The following CFAP299 variants were observed in gnomAD, a reference collection of about 807,000 sequenced individuals.
CFAP299 encodes cilia- and flagella-associated protein 299.
A neutral mutation model predicts 27.0 loss-of-function variants in CFAP299; 21 were observed. The observed-to-expected ratio is 0.78, with a 90% CI of 0.55 to 1.12. The LOEUF (loss-of-function observed/expected upper bound fraction) is 1.12, where lower values mean the gene tolerates loss of function less well. Among genes scored for constraint, CFAP299 ranks in the 50% most tolerant of loss-of-function variants. CFAP299 has a pLI of 0.00. For synonymous variants in CFAP299, 104 were observed against 98.1 expected (o/e 1.06, Z -0.36); for missense variants, 310 against 276.6 (o/e 1.12, Z -0.86).
intron 2 of CFAP299, among the ~76,000 whole-genome samples, chr4:80,380,772 T>C (rs1724661697): frequency 6.6e-6 from 1 of 152,168 alleles, no homozygotes; most frequent in Non-Finnish European, 1.5e-5. Flanking sequence ...ATTTTATTTA[T>C]TCATTCAGTA....
chr4:80,716,967 C>T (rs191426726), intron 3 of CFAP299, among the ~76,000 whole-genome samples: 91 of 152,180 alleles, frequency 6.0e-4, no homozygotes, highest in Non-Finnish European at 8.7e-4. Context: ...CTAGAGATGT[C>T]TCTGGCCCTA....
intron 3 of CFAP299, among the ~76,000 whole-genome samples, chr4:80,635,629 TTAAAATTAATAAGAGAAACATAAAGATAA>T (rs1739437172): frequency 6.6e-6 from 1 of 152,192 alleles, no homozygotes; most frequent in Non-Finnish European, 1.5e-5. Context: ...ATCCTTGGAA[TTAAAATTAATAAGAGAAACATAAAGATAA>T]AGTGAATGGA....
intron 3 of CFAP299, among the ~76,000 whole-genome samples, chr4:80,713,075 AGG>A (rs1462450373): frequency 6.6e-6 from 1 of 152,138 alleles, no homozygotes; most frequent in Admixed American, 6.6e-5. Context: ...TAACCATTCA[AGG>A]GTATGTAGGA....
At chr4:80,958,020 G>A (rs1012958519) in intron 5 of CFAP299, among the ~76,000 whole-genome samples, 1 of 152,048 alleles carries the variant, frequency 6.6e-6, no homozygotes, top group African/African-American at 2.4e-5. Flanking sequence ...TATTCATAAG[G>A]AATCTCAAAT....
intron 4 of CFAP299, among the ~76,000 whole-genome samples, chr4:80,922,735 T>C (rs1368355707): frequency 6.6e-6 from 1 of 151,718 alleles, no homozygotes; most frequent in Non-Finnish European, 1.5e-5. Context: ...ATATGTTGAC[T>C]ATGAAGAATA....
At chr4:80,514,532 AC>A (rs1732486728) in intron 2 of CFAP299, among the ~76,000 whole-genome samples, 1 of 152,102 alleles carries the variant, frequency 6.6e-6, no homozygotes, top group African/African-American at 2.4e-5. Flanking sequence ...TTAATTATGA[AC>A]AGATGACTGG....
chr4:80,809,706 A>G (rs1183390819), intron 3 of CFAP299, among the ~76,000 whole-genome samples: 1 of 152,102 alleles, frequency 6.6e-6, no homozygotes. Flanking sequence ...CATCTTCTCA[A>G]AAACTTCAGT....
At chr4:80,509,711 A>C (rs1732202253) in intron 2 of CFAP299, among the ~76,000 whole-genome samples, 1 of 152,200 alleles carries the variant, frequency 6.6e-6, no homozygotes, top group East Asian at 1.9e-4. Context: ...TACAGATTTT[A>C]ACTAATCTAC....
chr4:80,627,953 A>G (rs1738996653), intron 3 of CFAP299, among the ~76,000 whole-genome samples: 1 of 152,142 alleles, frequency 6.6e-6, no homozygotes, highest in African/African-American at 2.4e-5. Context: ...CAAAATACCA[A>G]TAACATTTTT....
At chr4:80,815,001 T>C (rs980850417) in intron 3 of CFAP299, among the ~76,000 whole-genome samples, 2 of 151,986 alleles carry the variant, frequency 1.3e-5, no homozygotes, top group Non-Finnish European at 2.9e-5. Flanking sequence ...CCAAAGGCAT[T>C]TATCAAGTAT....
intron 2 of CFAP299, among the ~76,000 whole-genome samples, chr4:80,397,186 A>C (rs151264192): frequency 0.71 from 107,384 of 151,784 alleles, 39,119 homozygotes; most frequent in Admixed American, 0.79. Flanking sequence ...TTATAGTATT[A>C]TCTGATGGTA....
At chr4:80,460,000 C>A (rs1729358604) in intron 2 of CFAP299, among the ~76,000 whole-genome samples, 1 of 152,078 alleles carries the variant, frequency 6.6e-6, no homozygotes, top group African/African-American at 2.4e-5. Context: ...TTTAAAGAAC[C>A]AGATGGTTGA....
chr4:80,777,664 T>A (rs1239917250), intron 3 of CFAP299, among the ~76,000 whole-genome samples: 1 of 152,144 alleles, frequency 6.6e-6, no homozygotes. Flanking sequence ...TTTGCAACCT[T>A]GCTTGTGTCC....
chr4:80,892,863 GA>G (rs1734410789), intron 4 of CFAP299, among the ~76,000 whole-genome samples: 2 of 152,018 alleles, frequency 1.3e-5, no homozygotes, highest in Non-Finnish European at 2.9e-5. Flanking sequence ...ATATAGTACT[GA>G]AAATTCATGC....
chr4:80,708,080 C>T (rs1486160141), intron 3 of CFAP299, among the ~76,000 whole-genome samples: 1 of 152,042 alleles, frequency 6.6e-6, no homozygotes, highest in Non-Finnish European at 1.5e-5. Flanking sequence ...AATCAGGAAT[C>T]TAGTAACTTC....
At chr4:80,945,759 G>A (rs537092582) in intron 5 of CFAP299, among the ~76,000 whole-genome samples, 62 of 152,052 alleles carry the variant, frequency 4.1e-4, no homozygotes, top group Non-Finnish European at 8.1e-4. Flanking sequence ...AAAGGAAAGG[G>A]GGGTCAGGTT....
chr4:80,499,821 A>G (rs1731653436), intron 2 of CFAP299, among the ~76,000 whole-genome samples: 1 of 152,128 alleles, frequency 6.6e-6, no homozygotes, highest in African/African-American at 2.4e-5. Flanking sequence ...CTTTGATTGA[A>G]ATACTCTAAA....
intron 3 of CFAP299, among the ~76,000 whole-genome samples, chr4:80,749,354 A>T (rs374155045): frequency 2.6e-5 from 4 of 152,300 alleles, no homozygotes; most frequent in African/African-American, 9.6e-5. Context: ...AATTCATCTT[A>T]TAGGACTGTT....
intron 5 of CFAP299, among the ~76,000 whole-genome samples, chr4:80,958,158 C>A (rs1738160797): frequency 6.6e-6 from 1 of 152,022 alleles, no homozygotes; most frequent in African/African-American, 2.4e-5. Context: ...TAAAAGTCCC[C>A]AAATACCTTA....
Sources: allele counts gnomAD v4.1 joint callset (sites outside exome capture counted in the v4.1 genomes callset), GRCh38; gene constraint gnomAD v4.1.1; transcripts MANE v1.5; gene names NCBI Gene and HGNC (gene_info 2026-07-23, HGNC 2026-07-21).